FAF1: variants seen among roughly 807,000 people sequenced by gnomAD.
FAF1 encodes FAS-associated factor 1.
A neutral mutation model predicts 92.5 loss-of-function variants in FAF1; 25 were observed. The ratio of observed to expected loss-of-function variants is 0.27; its 90% CI spans 0.20 to 0.38. The LOEUF (loss-of-function observed/expected upper bound fraction) is 0.38, where lower values mean the gene tolerates loss of function less well. FAF1 is among the 10% of genes least tolerant of loss of function. The pLI is 1.00. For missense variants in FAF1, 636 were observed against 793.3 expected (o/e 0.80, Z 2.38); for synonymous variants, 234 against 273.2 (o/e 0.86, Z 1.42).
At chr1:50,562,921 T>C (rs935039302) in intron 13 of FAF1, among the ~76,000 whole-genome samples, 5 of 152,196 alleles carry the variant, frequency 3.3e-5, no homozygotes, top group African/African-American at 9.7e-5. Flanking sequence ...CAGAAAAAAA[T>C]TGTGTCTATA....
intron 2 of FAF1, among the ~76,000 whole-genome samples, chr1:50,810,576 C>T (rs998497944): frequency 1.3e-5 from 2 of 152,114 alleles, no homozygotes; most frequent in Non-Finnish European, 2.9e-5. Context: ...GAAGTCCTAT[C>T]CAGAGCAATC....
At chr1:50,618,048 T>C (rs1255754684) in intron 8 of FAF1, among the ~76,000 whole-genome samples, 1 of 152,164 alleles carries the variant, frequency 6.6e-6, no homozygotes, top group Non-Finnish European at 1.5e-5. Context: ...TTCTCTTTTT[T>C]CCTTTGTTAA....
intron 4 of FAF1, chr1:50,780,285 A>C (rs1661122901): frequency 6.5e-6 from 1 of 152,754 alleles, no homozygotes; most frequent in East Asian, 1.9e-4. Context: ...TAGCTGGGGA[A>C]TTCATGTGGA....
rs940913473 is a variant in FAF1 at position 50,458,830 on chromosome 1, T to C, written c.1869+16634A>G. Among the ~76,000 whole-genome samples, 18 of 152,352 alleles carry C rather than the reference T, an allele frequency of 1.2e-4. No homozygotes were observed. The South Asian group carries it at 1.7e-3, about 14-fold the overall frequency. On this transcript the variant is annotated intron_variant, in intron 18 of 18. Transcript: ENST00000396153. ...TACAACAGCTCTATGAATTTCGTAC[T>C]ATCATTATCCTTATCCTACAGCGAG...
At chr1:50,550,712 G>T (rs1337910591) in intron 13 of FAF1, among the ~76,000 whole-genome samples, 1 of 152,046 alleles carries the variant, frequency 6.6e-6, no homozygotes, top group Non-Finnish European at 1.5e-5. Context: ...GCTTTTACAG[G>T]GGATTTATAT....
chr1:50,443,867 G>A (rs1646197922), intron 18 of FAF1, among the ~76,000 whole-genome samples: 1 of 152,064 alleles, frequency 6.6e-6, no homozygotes, highest in African/African-American at 2.4e-5. Context: ...TCTATACCAG[G>A]CTATCTTTCT....
intron 4 of FAF1, among the ~76,000 whole-genome samples, chr1:50,758,319 G>A (rs1190634189): frequency 6.6e-6 from 1 of 152,196 alleles, no homozygotes; most frequent in African/African-American, 2.4e-5. Context: ...CTCCCAAAAT[G>A]CTGGGATTAA....
chr1:50,662,683 C>CTTTTT (rs58193277), intron 7 of FAF1, among the ~76,000 whole-genome samples: 10 of 77,600 alleles, frequency 1.3e-4, no homozygotes, highest in South Asian at 7.4e-4. Context: ...GAATTTGTAT[C>CTTTTT]TTTTTTTTTT....
intron 9 of FAF1, among the ~76,000 whole-genome samples, chr1:50,585,880 T>TG (rs1651204792): frequency 1.1e-5 from 1 of 90,670 alleles, no homozygotes; most frequent in Non-Finnish European, 2.3e-5. Context: ...CATCTCTACA[T>TG]AAAAAAAAAA....
chr1:50,888,582 T>C (rs1165584571), intron 1 of FAF1, among the ~76,000 whole-genome samples: 1 of 152,348 alleles, frequency 6.6e-6, no homozygotes, highest in African/African-American at 2.4e-5. Flanking sequence ...CTTTTTAGCA[T>C]GAAGGGCTGT....
At chr1:50,737,300 GAA>G (rs1659181405) in intron 6 of FAF1, among the ~76,000 whole-genome samples, 1 of 152,154 alleles carries the variant, frequency 6.6e-6, no homozygotes, top group South Asian at 2.1e-4. Context: ...TGGCAATGAA[GAA>G]CGTTTCCATT....
intron 6 of FAF1, among the ~76,000 whole-genome samples, chr1:50,731,105 T>C (rs932425446): frequency 2.6e-5 from 4 of 152,088 alleles, no homozygotes; most frequent in East Asian, 1.9e-4. Flanking sequence ...CAGGCAAAAA[T>C]TGGACACGAG....
intron 7 of FAF1, among the ~76,000 whole-genome samples, chr1:50,671,539 A>C (rs1655878557): frequency 6.6e-6 from 1 of 152,194 alleles, no homozygotes; most frequent in African/African-American, 2.4e-5. Context: ...TTACTGTAAT[A>C]GATAATGTTA....
At chr1:50,669,524 A>C (rs927792831) in intron 7 of FAF1, among the ~76,000 whole-genome samples, 1 of 152,200 alleles carries the variant, frequency 6.6e-6, no homozygotes, top group East Asian at 1.9e-4. Context: ...ATGGAACAAC[A>C]AAGGAAAAAA....
chr1:50,565,117 T>C (rs1650116034), intron 13 of FAF1, among the ~76,000 whole-genome samples: 2 of 152,114 alleles, frequency 1.3e-5, no homozygotes, highest in Non-Finnish European at 2.9e-5. Context: ...ACCCAGTAAT[T>C]ATCTTTTGTT....
chr1:50,927,167 G>A (rs1350066270), intron 1 of FAF1, among the ~76,000 whole-genome samples: 2 of 152,210 alleles, frequency 1.3e-5, no homozygotes, highest in Non-Finnish European at 1.5e-5. Context: ...CTAGAGATGA[G>A]TGGTGGTGAT....
At chr1:50,594,403 G>A (rs371060021) in intron 9 of FAF1, among the ~76,000 whole-genome samples, 1 of 151,904 alleles carries the variant, frequency 6.6e-6, no homozygotes, top group African/African-American at 2.4e-5. Flanking sequence ...TGAAGTCTTG[G>A]TGATGACTTT....
At chr1:50,666,496 A>G (rs1350466753) in intron 7 of FAF1, among the ~76,000 whole-genome samples, 1 of 152,122 alleles carries the variant, frequency 6.6e-6, no homozygotes, top group African/African-American at 2.4e-5. Context: ...GTTGTAAGCC[A>G]CTGTGCCCAG....
At chr1:50,748,268 G>A (rs192439822) in intron 4 of FAF1, among the ~76,000 whole-genome samples, 202 of 152,234 alleles carry the variant, frequency 1.3e-3, no homozygotes, top group African/African-American at 4.7e-3. Flanking sequence ...GGCCAAGGCA[G>A]GCAGATCAAC....
Sources: allele counts gnomAD v4.1 joint callset (sites outside exome capture counted in the v4.1 genomes callset), GRCh38; gene constraint gnomAD v4.1.1; transcripts MANE v1.5; gene names NCBI Gene and HGNC (gene_info 2026-07-23, HGNC 2026-07-21).